CREB3L3: variants seen among roughly 807,000 people sequenced by gnomAD.
The protein encoded by CREB3L3 is cAMP responsive element binding protein 3 like 3, also known as cyclic AMP-responsive element-binding protein 3-like protein 3.
CREB3L3 carries 40 observed loss-of-function variants against 44.6 expected under a neutral mutation model. That is an observed-to-expected ratio of 0.90 (90% CI 0.70 to 1.17). The LOEUF (loss-of-function observed/expected upper bound fraction) is 1.17, where lower values mean the gene tolerates loss of function less well. CREB3L3 is among the 50% of genes most tolerant of loss of function. The probability of loss-of-function intolerance (pLI) is 0.00; values close to 1 mark genes in which losing one functional copy is unlikely to be tolerated. For missense variants in CREB3L3, 578 were observed against 595.8 expected (o/e 0.97, Z 0.31); for synonymous variants, 273 against 256.3 (o/e 1.06, Z -0.62).
intron 5 of CREB3L3, among the ~76,000 whole-genome samples, chr19:4,166,472 G>T (rs113335925): frequency 0.032 from 4,609 of 141,872 alleles, 264 homozygotes; most frequent in African/African-American, 0.12. Flanking sequence ...CACCATGTTG[G>T]CCAGGATGGT....
chr19:4,159,987 T>C (rs1393793361), intron 4 of CREB3L3, among the ~76,000 whole-genome samples: 2 of 152,074 alleles, frequency 1.3e-5, no homozygotes, highest in African/African-American at 4.8e-5. Flanking sequence ...GTAGTAACAA[T>C]AGCAACAACA....
chr19:4,160,549 C>T (rs2041645875), intron 4 of CREB3L3, among the ~76,000 whole-genome samples: 2 of 148,686 alleles, frequency 1.3e-5, no homozygotes, highest in South Asian at 4.3e-4. Flanking sequence ...TTTTTCTTGT[C>T]TTTTTTATTT....
intron 4 of CREB3L3, among the ~76,000 whole-genome samples, chr19:4,164,130 C>T (rs1327308457): frequency 5.9e-5 from 9 of 151,932 alleles, no homozygotes; most frequent in African/African-American, 1.9e-4. Context: ...CCCGCCACTA[C>T]GCCCAGCTAA....
In CREB3L3 at chr19:4,171,475, A is replaced by T. The variant is rs752114357; in HGVS notation, c.1068A>T (p.Val356=). Residue 356 remains valine, a synonymous_variant, in exon 9 of 10, where the codon GTA becomes GTT. Coordinates refer to ENST00000078445, the MANE Select transcript of CREB3L3 (RefSeq NM_032607.3). This position sits in a 1 kb window ranked among gnomAD's most constrained non-coding sequence, Gnocchi z 4.9. ...AGAGCCCTGGGGACTTTGCGCCTGT[A>T]CGAGGTAGGGGATCCCCACCTTTGA... The part of the protein sequence containing the change: ...KTESPGDFAP[V]RVFSRTLHND... 8 of 1,613,892 alleles carry T rather than the reference A, an allele frequency of 5.0e-6. No homozygotes were observed. The highest frequency in any genetic ancestry group is 5.1e-6 in the Non-Finnish European group (6 of 1,179,954).
chr19:4,157,061 C>A lies in CREB3L3; in HGVS notation c.223C>A (p.Pro75Thr), dbSNP rs756010291. 1.2e-6 allele frequency: 2 copies of A among 1,614,088 alleles called. No individual in the cohort carries two copies. The highest frequency in any genetic ancestry group is 4.5e-5 in the East Asian group (2 of 44,876). Residue 75 changes from proline (P) to threonine (T), a missense_variant, in exon 3 of 10, where the codon CCC becomes ACC. Coordinates refer to ENST00000078445, the MANE Select transcript of CREB3L3 (RefSeq NM_032607.3). ...SSILGSGDSL[P>T]SSPLWSPEGS... The stretch of plus-strand genomic sequence containing the variant: ...CATCCTGGGCTCTGGAGACTCACTG[C>A]CCAGCTCCCCACTCTGGTCCCCCGA...
chr19:4,155,128 T>TGGC, intron 2 of CREB3L3, 101 bp downstream of exon 2: 1 of 1,459,152 alleles, frequency 6.9e-7, no homozygotes. Context: ...GCCAGAGCTC[T>TGGC]GCTCAGCTCT....
At chr19:4,165,553 A>G (rs1264086289) in intron 5 of CREB3L3, among the ~76,000 whole-genome samples, 6 of 151,820 alleles carry the variant, frequency 4.0e-5, no homozygotes, top group Non-Finnish European at 8.8e-5. Context: ...TGACCGGTAG[A>G]TTTTACAAGA....
intron 3 of CREB3L3, among the ~76,000 whole-genome samples, chr19:4,159,343 A>G (rs350869): frequency 0.73 from 110,672 of 151,916 alleles, 41,016 homozygotes; most frequent in East Asian, 0.91. Flanking sequence ...TAGAGATGGG[A>G]TTTCACCATG....
chr19:4,170,089 C>A (rs954490123), intron 6 of CREB3L3, 51 bp from the exon 7 acceptor site: 1 of 1,576,956 alleles, frequency 6.3e-7, no homozygotes, highest in Non-Finnish European at 8.7e-7. Flanking sequence ...GTCAGTGGGG[C>A]CAGCTGGTGA....
chr19:4,171,240 T>G lies in CREB3L3; in HGVS notation c.975+65T>G. 1 of 1,500,864 alleles carries G rather than the reference T, an allele frequency of 6.7e-7. No individual in the cohort carries two copies. The highest frequency in any genetic ancestry group is 9.3e-7 in the Non-Finnish European group (1 of 1,077,750). The allele number at this position is 1,500,864 out of a possible 1,614,324, so 93.0% of individuals were successfully genotyped here. A position where few individuals can be genotyped will look rare whatever the true frequency, so the allele number is the denominator to read the frequency against. On this transcript the variant is annotated intron_variant, in intron 8 of 9. Coordinates refer to ENST00000078445, the MANE Select transcript of CREB3L3 (RefSeq NM_032607.3). This position sits in a 1 kb window ranked among gnomAD's most constrained non-coding sequence, Gnocchi z 4.9. ...TTCTGTAGAGGGGCCCATAGGGAGG[T>G]GACAATGAGTCCAAGCTCTCCTTGT...
chr19:4,169,396 C>T (rs1460381944), intron 6 of CREB3L3, among the ~76,000 whole-genome samples: 3 of 151,812 alleles, frequency 2.0e-5, no homozygotes, highest in African/African-American at 4.8e-5. Context: ...AGGAGAATGG[C>T]GTGAACCCAG....
chr19:4,169,723 C>T (rs1226364068), intron 6 of CREB3L3, among the ~76,000 whole-genome samples: 3 of 151,586 alleles, frequency 2.0e-5, no homozygotes, highest in African/African-American at 7.3e-5. Flanking sequence ...TCCCAAGTTC[C>T]CAAGTAGCTG....
chr19:4,155,465 T>C (rs1029979186), intron 2 of CREB3L3, among the ~76,000 whole-genome samples: 4 of 151,480 alleles, frequency 2.6e-5, no homozygotes, highest in Non-Finnish European at 4.4e-5. Context: ...TTCAAGCGAT[T>C]CTCTTGCCTC....
intron 5 of CREB3L3, among the ~76,000 whole-genome samples, chr19:4,165,339 ATTTTTTT>A (rs34585723): frequency 7.2e-6 from 1 of 138,128 alleles, no homozygotes; most frequent in Non-Finnish European, 1.5e-5. Context: ...GGCTAATTTA[ATTTTTTT>A]TTTTTTTTTG....
At chr19:4,158,305 C>G (rs1351351919) in intron 3 of CREB3L3, among the ~76,000 whole-genome samples, 2 of 151,746 alleles carry the variant, frequency 1.3e-5, no homozygotes, top group Non-Finnish European at 2.9e-5. Context: ...CAAGACCAGC[C>G]TGGCCAACAT....
intron 5 of CREB3L3, among the ~76,000 whole-genome samples, chr19:4,166,733 T>C (rs934878930): frequency 6.6e-6 from 1 of 150,796 alleles, no homozygotes. Context: ...TGTTTTGAGA[T>C]AGGATCTCAC....
intron 4 of CREB3L3, among the ~76,000 whole-genome samples, chr19:4,163,703 G>C (rs896528785): frequency 6.6e-6 from 1 of 151,860 alleles, no homozygotes; most frequent in Non-Finnish European, 1.5e-5. Flanking sequence ...AATGGAGACA[G>C]GGTTTCACCA....
chr19:4,164,672 C>T, intron 5 of CREB3L3, 32 bp downstream of exon 5: 2 of 1,613,210 alleles, frequency 1.2e-6, no homozygotes. Flanking sequence ...GCCCTGGATC[C>T]ATCTCCCCTT....
rs148141076 is a variant in CREB3L3, at chr19:4,171,809, C to G, written c.1226C>G (p.Ala409Gly). Residue 409 changes from alanine to glycine, a missense_variant, in exon 10 of 10, where the codon GCG becomes GGG. Coordinates refer to ENST00000078445, the MANE Select transcript of CREB3L3 (RefSeq NM_032607.3). This position sits in a 1 kb window ranked among gnomAD's most constrained non-coding sequence, Gnocchi z 4.9. ...GCAGACTGGGGCTTCCAGGACACCG[C>G]GAACCTGACCAATTCGACGGAGGAG... The part of the protein sequence containing the change: ...PGADWGFQDT[A>G]NLTNSTEELD... 1 of 1,613,532 alleles carries G rather than the reference C, an allele frequency of 6.2e-7. No homozygotes were observed.
Sources: allele counts gnomAD v4.1 joint callset (sites outside exome capture counted in the v4.1 genomes callset), GRCh38; gene constraint gnomAD v4.1.1; non-coding constraint Gnocchi (gnomAD v3.1); transcripts MANE v1.5; gene names NCBI Gene and HGNC (gene_info 2026-07-23, HGNC 2026-07-21).